ANK2: variants seen among roughly 807,000 people sequenced by gnomAD.
The protein encoded by ANK2 is ankyrin 2.
A neutral mutation model predicts 360.5 loss-of-function variants in ANK2; 83 were observed. The observed-to-expected ratio is 0.23, with a 90% CI of 0.19 to 0.28. The LOEUF is 0.28. Ranked by LOEUF, ANK2 falls within the 10% of genes least tolerant of loss-of-function variation. The probability of loss-of-function intolerance (pLI) is 1.00; values close to 1 mark genes in which losing one functional copy is unlikely to be tolerated. For synonymous variants in ANK2, 1,740 were observed against 1,759.5 expected (o/e 0.99, Z 0.28); for missense variants, 4,201 against 4,795.7 (o/e 0.88, Z 3.66).
At chr4:113,048,270 ATATATATTTTTTTTTTTTTT>A (rs1282904253), upstream of ANK2, among the ~76,000 whole-genome samples, 2 of 62,310 alleles carry the variant, frequency 3.2e-5, no homozygotes, top group African/African-American at 8.3e-5. Flanking sequence ...ATATATATAT[ATATATATTTTTTTTTTTTTT>A]TTTTTTTTTT....
rs141095954 is a variant in ANK2 at position 113,330,443 on chromosome 4, T to C, written c.3098T>C (p.Val1033Ala). ...GGCCTGGCCAGTCGCCTGATCGAAG[T>C]TGGACCTTCTGGTGCTCAGTTCCTT... The part of the protein sequence containing the change: ...GEGLASRLIE[V>A]GPSGAQFLGK... The change falls in exon 27 of 46, where the codon GTT (valine) becomes GCT (alanine). Residue 1033 changes from valine to alanine, a missense_variant. By Grantham distance (64) the Val-to-Ala change is moderately conservative. Transcript: ENST00000357077. The C allele has an allele frequency of 6.2e-7, 1 of 1,614,226 alleles. No individual in the cohort carries two copies. Among genetic ancestry groups the C allele is most frequent in the Non-Finnish European group, 8.5e-7 (1 of 1,180,036 alleles).
chr4:113,079,364 G>A (rs2081375181), intron 1 of ANK2, among the ~76,000 whole-genome samples: 1 of 152,080 alleles, frequency 6.6e-6, no homozygotes, highest in Admixed American at 6.5e-5. Context: ...TTTGCTTCTG[G>A]CCATGTACTG....
intron 5 of ANK2, among the ~76,000 whole-genome samples, chr4:113,236,241 A>G (rs1489119641): frequency 6.6e-6 from 1 of 152,118 alleles, no homozygotes; most frequent in Non-Finnish European, 1.5e-5. Context: ...AAAGAAAAAG[A>G]TAGCTTTCCA....
At chr4:113,245,696 G>C (rs930980993) in intron 9 of ANK2, among the ~76,000 whole-genome samples, 12 of 152,292 alleles carry the variant, frequency 7.9e-5, no homozygotes, top group African/African-American at 2.6e-4. Flanking sequence ...TAGAATTCAA[G>C]ATGAGATTTA....
At chr4:112,706,263 C>T in the ANK2 span, among the ~76,000 whole-genome samples, 4 of 152,140 alleles carry the variant, frequency 2.6e-5, no homozygotes, top group Non-Finnish European at 5.9e-5. Context: ...CCATTGTCCT[C>T]GCGTCCCCCA....
intron 4 of ANK2, among the ~76,000 whole-genome samples, chr4:113,208,545 C>T (rs180782522): frequency 6.6e-6 from 1 of 152,018 alleles, no homozygotes; most frequent in African/African-American, 2.4e-5. Context: ...CTCTGTCACC[C>T]AAGCTGGAGT....
In ANK2 at chr4:112,837,469, T is replaced by C. The variant is rs1380763769; in HGVS notation, c.-40+19205T>C. Among the ~76,000 whole-genome samples the C allele has an allele frequency of 5.3e-5, 8 of 152,246 alleles. No homozygotes were observed. The East Asian group carries it at 1.5e-3, about 29-fold the overall frequency. ...TCACACACAGTCCCCACTGGAGCTC[T>C]GCCTAGTGAAGCTGTGAGAAGAGGG... is the stretch of plus-strand genomic sequence containing the variant. On this transcript the variant is annotated intron_variant, in intron 1 of 30. Coordinates refer to the ANK2 transcript ENST00000503271.
chr4:113,293,633 G>C, intron 22 of ANK2, 95 bp downstream of exon 22: 1 of 1,240,074 alleles, frequency 8.1e-7, no homozygotes, highest in East Asian at 2.4e-5. Context: ...GATGTTTGGA[G>C]CTTTTAGTTT....
At chr4:112,731,819 A>G in the ANK2 span, among the ~76,000 whole-genome samples, 6 of 152,140 alleles carry the variant, frequency 3.9e-5, no homozygotes, top group South Asian at 2.1e-4. Context: ...AGGTCTCACT[A>G]TGTTTCCTGG....
At chr4:113,085,820 A>ATAAAT (rs1246056584) in intron 1 of ANK2, among the ~76,000 whole-genome samples, 1 of 152,210 alleles carries the variant, frequency 6.6e-6, no homozygotes, top group Non-Finnish European at 1.5e-5. Context: ...CTTCAGAGTT[A>ATAAAT]TTAAGCACTA....
intron 14 of ANK2, among the ~76,000 whole-genome samples, chr4:113,271,281 C>A (rs891545429): frequency 6.6e-6 from 1 of 152,182 alleles, no homozygotes; most frequent in Non-Finnish European, 1.5e-5. Flanking sequence ...CGCATTCATG[C>A]GGCCCATTTA....
the ANK2 span, among the ~76,000 whole-genome samples, chr4:112,772,186 C>T: frequency 6.6e-6 from 1 of 152,172 alleles, no homozygotes; most frequent in African/African-American, 2.4e-5. Context: ...ACTCACATCA[C>T]AGTTCCTCAT....
At chr4:113,209,923 A>T (rs1173445237) in intron 4 of ANK2, among the ~76,000 whole-genome samples, 3 of 152,154 alleles carry the variant, frequency 2.0e-5, no homozygotes, top group Non-Finnish European at 4.4e-5. Context: ...AAAACAAAGA[A>T]TGTTGGCCAG....
intron 2 of ANK2, among the ~76,000 whole-genome samples, chr4:112,951,948 A>T (rs1032085300): frequency 6.6e-6 from 1 of 152,228 alleles, no homozygotes; most frequent in Non-Finnish European, 1.5e-5. Context: ...GCTGTATGCC[A>T]ATTTATTAAC....
At chr4:112,972,917 G>A (rs1450076877) in intron 2 of ANK2, among the ~76,000 whole-genome samples, 3 of 152,264 alleles carry the variant, frequency 2.0e-5, no homozygotes, top group East Asian at 3.9e-4. Flanking sequence ...AGCCATTCAG[G>A]AATGGAAAAC....
At chr4:113,327,039 A>C (rs1043428767) in intron 26 of ANK2, among the ~76,000 whole-genome samples, 1 of 152,136 alleles carries the variant, frequency 6.6e-6, no homozygotes, top group Non-Finnish European at 1.5e-5. Flanking sequence ...TGAATTATGC[A>C]TACTGGCACC....
chr4:112,914,312 T>G (rs1164240726), intron 2 of ANK2, among the ~76,000 whole-genome samples: 2 of 152,242 alleles, frequency 1.3e-5, no homozygotes, highest in Non-Finnish European at 2.9e-5. Flanking sequence ...TAGGTGTGCA[T>G]ATCGTATCTA....
chr4:113,030,973 G>T (rs916894240), intron 2 of ANK2, among the ~76,000 whole-genome samples: 1 of 151,910 alleles, frequency 6.6e-6, no homozygotes, highest in Non-Finnish European at 1.5e-5. Context: ...CATTTTGGTG[G>T]GCTATCAGAG....
chr4:112,949,828 G>T (rs572025608), intron 2 of ANK2, among the ~76,000 whole-genome samples: 12 of 152,170 alleles, frequency 7.9e-5, no homozygotes, highest in African/African-American at 2.9e-4. Flanking sequence ...GTTTCACATG[G>T]CATGCACACA....
Sources: allele counts gnomAD v4.1 joint callset (sites outside exome capture counted in the v4.1 genomes callset), GRCh38; gene constraint gnomAD v4.1.1; transcripts MANE v1.5; gene names NCBI Gene and HGNC (gene_info 2026-07-23, HGNC 2026-07-21).